TTC28: variants seen among roughly 807,000 people sequenced by gnomAD.
The protein encoded by TTC28 is tetratricopeptide repeat domain 28.
A neutral mutation model predicts 198.0 loss-of-function variants in TTC28; 61 were observed. That is an observed-to-expected ratio of 0.31 (90% CI 0.25 to 0.38). TTC28 has a LOEUF of 0.38. Ranked by LOEUF, TTC28 falls within the 10% of genes least tolerant of loss-of-function variation. The pLI is 1.00. For missense variants in TTC28, 2,678 were observed against 3,164.0 expected (o/e 0.85, Z 3.69); for synonymous variants, 1,171 against 1,297.8 (o/e 0.90, Z 2.10).
chr22:27,982,356 C>G lies in TTC28; in HGVS notation c.7311G>C (p.Glu2437Asp), dbSNP rs760631647. Residue 2437 changes from glutamate to aspartate, a missense_variant, in exon 23 of 23, where the codon GAG becomes GAC. Coordinates refer to ENST00000397906, the MANE Select transcript of TTC28 (RefSeq NM_001145418.2). This position sits in a 1 kb window ranked among gnomAD's most constrained non-coding sequence, Gnocchi z 5.2. ...GCGGCAGTGAGCCCAGCGAGGTGGT[C>G]TCGGTGCGCCAGTGTCCGTTGGGAG... The part of the protein sequence containing the change: ...KAPPNGHWRT[E>D]TTSLGSLPLP... 6.5e-7 allele frequency: 1 copy of G among 1,548,550 alleles called. No homozygotes were observed. Among genetic ancestry groups the G allele is most frequent in the East Asian group, 2.4e-5 (1 of 40,902 alleles).
At chr22:28,535,563 A>G in intron 2 of TTC28, among the ~76,000 whole-genome samples, 1 of 152,282 alleles carries the variant, frequency 6.6e-6, no homozygotes, top group Non-Finnish European at 1.5e-5. Context: ...ACCACAATGT[A>G]TCTATTCTAT....
At chr22:28,251,456 T>C (rs1053520365) in intron 5 of TTC28, among the ~76,000 whole-genome samples, 6 of 152,210 alleles carry the variant, frequency 3.9e-5, no homozygotes, top group African/African-American at 1.4e-4. Context: ...TCTGGCCCTT[T>C]ACAGAAGAAG....
Position 28,232,490 on chromosome 22 carries a change from C to G in TTC28, c.933+63708G>C, listed in dbSNP as rs1480878184. Among the ~76,000 whole-genome samples the G allele has an allele frequency of 2.0e-5, 3 of 152,324 alleles. 1 individual carries two copies. In the South Asian group the frequency reaches 6.2e-4, roughly 32 times the overall value. On this transcript the variant is annotated intron_variant, in intron 5 of 22. Coordinates refer to ENST00000397906, the MANE Select transcript of TTC28 (RefSeq NM_001145418.2). Reference sequence around the variant, plus strand: ...GTGGTCCATCACATAGAGAAAGCTGCTAGTCCTTGCTGGAGTTTCCGTTCC... The same window carrying G: ...GTGGTCCATCACATAGAGAAAGCTGGTAGTCCTTGCTGGAGTTTCCGTTCC...
chr22:28,068,498 A>C (rs1351877704), intron 12 of TTC28, among the ~76,000 whole-genome samples: 1 of 152,156 alleles, frequency 6.6e-6, no homozygotes, highest in African/African-American at 2.4e-5. Context: ...CCCACAACTT[A>C]ATCTCTTTTT....
chr22:28,514,358 T>C (rs759863106), intron 2 of TTC28, among the ~76,000 whole-genome samples: 2 of 152,228 alleles, frequency 1.3e-5, no homozygotes, highest in Non-Finnish European at 2.9e-5. Context: ...TTTGGCAAGT[T>C]AGCTAAATCA....
chr22:28,046,739 C>A (rs1939879370), intron 12 of TTC28, among the ~76,000 whole-genome samples: 1 of 152,256 alleles, frequency 6.6e-6, no homozygotes, highest in African/African-American at 2.4e-5. Flanking sequence ...ACACAGGCTG[C>A]CTGTAAACAT....
At chr22:28,575,552 A>G (rs967411268) in intron 2 of TTC28, among the ~76,000 whole-genome samples, 3 of 152,048 alleles carry the variant, frequency 2.0e-5, no homozygotes, top group Admixed American at 1.3e-4. Context: ...GAAGAATGTG[A>G]TTGTTATTTC....
chr22:28,003,734 A>G (rs182807397), intron 14 of TTC28, among the ~76,000 whole-genome samples: 2 of 152,356 alleles, frequency 1.3e-5, no homozygotes, highest in East Asian at 1.9e-4. Flanking sequence ...CCATCTTCGT[A>G]GAACTCTGCT....
intron 2 of TTC28, among the ~76,000 whole-genome samples, chr22:28,584,585 G>T (rs113792350): frequency 3.3e-5 from 5 of 152,198 alleles, no homozygotes; most frequent in African/African-American, 2.4e-5. Flanking sequence ...TGTAGCTAGT[G>T]TAACTAAGAG....
intron 1 of TTC28, among the ~76,000 whole-genome samples, chr22:28,633,001 A>G (rs1334080195): frequency 6.6e-6 from 1 of 151,724 alleles, no homozygotes; most frequent in Non-Finnish European, 1.5e-5. Flanking sequence ...TTTGCAAGGT[A>G]GGGCACCGTG....
chr22:28,391,646 C>G (rs946598353), intron 2 of TTC28, among the ~76,000 whole-genome samples: 2 of 152,222 alleles, frequency 1.3e-5, no homozygotes, highest in Non-Finnish European at 2.9e-5. Context: ...GCTCCTGAGG[C>G]TTCTGCATTC....
chr22:28,470,589 G>T (rs916446670), intron 2 of TTC28, among the ~76,000 whole-genome samples: 3 of 152,134 alleles, frequency 2.0e-5, no homozygotes, highest in Non-Finnish European at 4.4e-5. Context: ...CTGTCTTAAA[G>T]TGTAACTTTA....
At chr22:28,196,630 A>G (rs1029525048) in intron 5 of TTC28, among the ~76,000 whole-genome samples, 8 of 152,332 alleles carry the variant, frequency 5.3e-5, no homozygotes, top group African/African-American at 1.4e-4. Flanking sequence ...TGAGTGAAGG[A>G]TATAAACAGA....
At chr22:28,294,113 T>C (rs1569243780) in intron 5 of TTC28, among the ~76,000 whole-genome samples, 1 of 152,186 alleles carries the variant, frequency 6.6e-6, no homozygotes, top group East Asian at 1.9e-4. Flanking sequence ...CTGGAGTCTA[T>C]TACTTATACA....
chr22:28,271,401 CT>C (rs1442137406), intron 5 of TTC28, among the ~76,000 whole-genome samples: 1 of 152,102 alleles, frequency 6.6e-6, no homozygotes, highest in Non-Finnish European at 1.5e-5. Context: ...TGGCAGTATT[CT>C]TTATTAATTA....
chr22:28,437,365 G>A (rs8139198), intron 2 of TTC28, among the ~76,000 whole-genome samples: 2 of 152,060 alleles, frequency 1.3e-5, no homozygotes, highest in East Asian at 3.9e-4. Flanking sequence ...TTACAGACAT[G>A]AGCCACTGCA....
At chr22:28,601,674 G>A (rs2050640320) in intron 2 of TTC28, among the ~76,000 whole-genome samples, 2 of 151,920 alleles carry the variant, frequency 1.3e-5, no homozygotes, top group South Asian at 4.1e-4. Flanking sequence ...ACTGAGAGAT[G>A]ACTATACTAA....
At chr22:28,589,183 T>C (rs2050378272) in intron 2 of TTC28, among the ~76,000 whole-genome samples, 1 of 152,208 alleles carries the variant, frequency 6.6e-6, no homozygotes, top group Non-Finnish European at 1.5e-5. Flanking sequence ...ACCTCTAGTT[T>C]ATCCAAATAA....
At chr22:28,647,708 A>G (rs1204706454) in intron 1 of TTC28, among the ~76,000 whole-genome samples, 9 of 151,004 alleles carry the variant, frequency 6.0e-5, no homozygotes, top group South Asian at 2.1e-4. Context: ...GTGTGGTGGC[A>G]GGCGCCTGTA....
Sources: allele counts gnomAD v4.1 joint callset (sites outside exome capture counted in the v4.1 genomes callset), GRCh38; gene constraint gnomAD v4.1.1; non-coding constraint Gnocchi (gnomAD v3.1); transcripts MANE v1.5; gene names NCBI Gene and HGNC (gene_info 2026-07-23, HGNC 2026-07-21).